MAGI2: variants seen among roughly 807,000 people sequenced by gnomAD.
MAGI2 encodes the protein membrane associated guanylate kinase, WW and PDZ domain containing 2, also known as membrane-associated guanylate kinase, WW and PDZ domain-containing protein 2.
MAGI2 carries 35 observed loss-of-function variants against 133.3 expected under a neutral mutation model. The ratio of observed to expected loss-of-function variants is 0.26; its 90% CI spans 0.20 to 0.35. MAGI2 has a LOEUF of 0.35. Among genes scored for constraint, MAGI2 ranks in the 10% least tolerant of loss-of-function variants. The pLI, the probability that MAGI2 is intolerant of heterozygous loss-of-function variation, is 1.00. For missense variants in MAGI2, 1,636 were observed against 1,863.4 expected (o/e 0.88, Z 2.25); for synonymous variants, 729 against 710.6 (o/e 1.03, Z -0.41).
chr7:78,885,450 C>T (rs944991342), intron 2 of MAGI2, among the ~76,000 whole-genome samples: 4 of 152,228 alleles, frequency 2.6e-5, no homozygotes, highest in Non-Finnish European at 1.5e-5. Flanking sequence ...TTACACTATC[C>T]TGAGGCTTTA....
At chr7:79,362,152 T>G (rs937079019) in intron 1 of MAGI2, among the ~76,000 whole-genome samples, 24 of 151,652 alleles carry the variant, frequency 1.6e-4, no homozygotes, top group Admixed American at 1.1e-3. Context: ...AACAATAAAA[T>G]TGACAAACTT....
chr7:79,056,746 AAT>A (rs1438996729), intron 1 of MAGI2, among the ~76,000 whole-genome samples: 4 of 152,228 alleles, frequency 2.6e-5, no homozygotes, highest in Non-Finnish European at 4.4e-5. Flanking sequence ...TATTATAAAG[AAT>A]AATATGTCAC....
intron 6 of MAGI2, among the ~76,000 whole-genome samples, chr7:78,370,644 G>C (rs933502294): frequency 6.6e-6 from 1 of 151,844 alleles, no homozygotes; most frequent in Non-Finnish European, 1.5e-5. Flanking sequence ...ATCTCACTGA[G>C]AGTGTATGAG....
At chr7:78,674,677 A>G (rs1814794954) in intron 2 of MAGI2, among the ~76,000 whole-genome samples, 1 of 152,286 alleles carries the variant, frequency 6.6e-6, no homozygotes, top group Middle Eastern at 3.4e-3. Context: ...TAATCAAATT[A>G]TTGTACAGAG....
At chr7:79,159,332 G>A (rs562467892) in intron 1 of MAGI2, among the ~76,000 whole-genome samples, 7 of 151,948 alleles carry the variant, frequency 4.6e-5, no homozygotes, top group South Asian at 2.1e-4. Context: ...TGGCCAACAT[G>A]GTGAAACCTT....
At chr7:78,837,200 C>T (rs774011279) in intron 2 of MAGI2, among the ~76,000 whole-genome samples, 20 of 152,198 alleles carry the variant, frequency 1.3e-4, no homozygotes, top group Non-Finnish European at 2.4e-4. Context: ...TACCCTCAGC[C>T]GCCCAAGTGC....
intron 1 of MAGI2, among the ~76,000 whole-genome samples, chr7:79,448,630 C>A (rs1372442768): frequency 6.6e-6 from 1 of 152,082 alleles, no homozygotes; most frequent in Non-Finnish European, 1.5e-5. Flanking sequence ...GGAGACTGTA[C>A]CTTTAACCAT....
At chr7:78,104,278 A>C (rs1818458114) in intron 20 of MAGI2, among the ~76,000 whole-genome samples, 1 of 152,114 alleles carries the variant, frequency 6.6e-6, no homozygotes, top group African/African-American at 2.4e-5. Flanking sequence ...GCTGGACTGC[A>C]GTGGCTCGAT....
intron 2 of MAGI2, among the ~76,000 whole-genome samples, chr7:78,678,767 G>A (rs1409968547): frequency 1.3e-5 from 2 of 152,068 alleles, no homozygotes; most frequent in Non-Finnish European, 2.9e-5. Flanking sequence ...CTCATTATGT[G>A]AATTTTAACC....
chr7:78,705,567 T>C (rs1818560048), intron 2 of MAGI2, among the ~76,000 whole-genome samples: 1 of 152,156 alleles, frequency 6.6e-6, no homozygotes, highest in Non-Finnish European at 1.5e-5. Context: ...GCTCAAGTGA[T>C]GCTGACAAAC....
intron 2 of MAGI2, among the ~76,000 whole-genome samples, chr7:79,002,860 AGTGT>A (rs4021172): frequency 0.14 from 19,049 of 133,490 alleles, 1,605 homozygotes; most frequent in African/African-American, 0.24. Context: ...TTTATTGAAA[AGTGT>A]GTGTGTGTGT....
At chr7:78,631,997 A>G (rs1809059886) in intron 2 of MAGI2, among the ~76,000 whole-genome samples, 1 of 152,226 alleles carries the variant, frequency 6.6e-6, no homozygotes, top group Admixed American at 6.5e-5. Context: ...AATTCATATA[A>G]CATACTTAAG....
chr7:78,690,949 C>T (rs1049827122), intron 2 of MAGI2, among the ~76,000 whole-genome samples: 2 of 152,152 alleles, frequency 1.3e-5, no homozygotes, highest in Admixed American at 6.5e-5. Flanking sequence ...TAAACATGCA[C>T]ATTCATAGAG....
intron 6 of MAGI2, among the ~76,000 whole-genome samples, chr7:78,420,688 C>G (rs1584016955): frequency 6.6e-6 from 1 of 152,174 alleles, no homozygotes; most frequent in East Asian, 1.9e-4. Flanking sequence ...CCTTCCATCC[C>G]TTTAATTTAA....
At chr7:78,114,870 C>T (rs1413220197) in intron 20 of MAGI2, among the ~76,000 whole-genome samples, 1 of 152,150 alleles carries the variant, frequency 6.6e-6, no homozygotes, top group Non-Finnish European at 1.5e-5. Flanking sequence ...AGAATGAATG[C>T]GGCGGGCACA....
At chr7:78,200,604 TACACAAA>T (rs1829156992) in intron 11 of MAGI2, among the ~76,000 whole-genome samples, 1 of 152,082 alleles carries the variant, frequency 6.6e-6, no homozygotes, top group African/African-American at 2.4e-5. Flanking sequence ...CATATATATA[TACACAAA>T]GACACATACA....
intron 9 of MAGI2, among the ~76,000 whole-genome samples, chr7:78,305,138 T>TATAGACAG (rs1798149236): frequency 1.3e-5 from 2 of 152,232 alleles, no homozygotes; most frequent in African/African-American, 4.8e-5. Flanking sequence ...TGTCATGCAC[T>TATAGACAG]ATAGACAGAC....
At chr7:78,058,753 A>G (rs1812920556) in intron 21 of MAGI2, among the ~76,000 whole-genome samples, 1 of 152,108 alleles carries the variant, frequency 6.6e-6, no homozygotes, top group African/African-American at 2.4e-5. Flanking sequence ...ATTAAAAAGG[A>G]ACTAAGGCAT....
intron 1 of MAGI2, among the ~76,000 whole-genome samples, chr7:79,133,999 A>T (rs1208803524): frequency 3.3e-5 from 5 of 152,196 alleles, no homozygotes; most frequent in Non-Finnish European, 7.3e-5. Flanking sequence ...TATAATACAT[A>T]CACATATCTT....
Sources: allele counts gnomAD v4.1 joint callset (sites outside exome capture counted in the v4.1 genomes callset), GRCh38; gene constraint gnomAD v4.1.1; transcripts MANE v1.5; gene names NCBI Gene and HGNC (gene_info 2026-07-23, HGNC 2026-07-21).